Variants in SNX29 observed in about 807,000 individuals in gnomAD.
SNX29 encodes sorting nexin 29.
Under a neutral mutation model 102.1 loss-of-function variants are expected in SNX29, and 78 were observed. That is an observed-to-expected ratio of 0.76 (90% CI 0.64 to 0.92). SNX29 has a LOEUF of 0.92. Ranked by LOEUF, SNX29 falls within the 40% of genes least tolerant of loss-of-function variation. SNX29 has a pLI of 0.00. For synonymous variants in SNX29, 580 were observed against 414.5 expected (o/e 1.40, Z -4.85); for missense variants, 1,280 against 1,061.7 (o/e 1.21, Z -2.86).
At chr16:12,482,510 C>A (rs2087995660) in intron 19 of SNX29, among the ~76,000 whole-genome samples, 1 of 152,150 alleles carries the variant, frequency 6.6e-6, no homozygotes, top group African/African-American at 2.4e-5. Context: ...CCATGTTCGC[C>A]AGGCTGGTCT....
chr16:12,361,229 C>T (rs1381738743), intron 16 of SNX29, among the ~76,000 whole-genome samples: 1 of 152,170 alleles, frequency 6.6e-6, no homozygotes, highest in Non-Finnish European at 1.5e-5. Flanking sequence ...TGCCCAACAC[C>T]AGGGGTCCCA....
chr16:12,431,321 C>T (rs2085303909), intron 18 of SNX29, among the ~76,000 whole-genome samples: 2 of 149,960 alleles, frequency 1.3e-5, no homozygotes, highest in South Asian at 2.1e-4. Context: ...CTGAGAACAT[C>T]CCTCCAATTA....
intron 18 of SNX29, among the ~76,000 whole-genome samples, chr16:12,426,061 A>T (rs1029948437): frequency 1.3e-5 from 2 of 151,898 alleles, no homozygotes; most frequent in African/African-American, 4.8e-5. Flanking sequence ...GACAAAAAAA[A>T]TATTTGGTTT....
At chr16:12,449,073 C>G (rs2086189201) in intron 18 of SNX29, among the ~76,000 whole-genome samples, 1 of 152,028 alleles carries the variant, frequency 6.6e-6, no homozygotes. Flanking sequence ...GTGCCCAAAA[C>G]TGGGGATAGA....
intron 13 of SNX29, among the ~76,000 whole-genome samples, chr16:12,131,249 A>G (rs369480472): frequency 6.6e-6 from 1 of 152,236 alleles, no homozygotes; most frequent in African/African-American, 2.4e-5. Context: ...AATTAAGAGT[A>G]TGGTTGAGCC....
intron 19 of SNX29, among the ~76,000 whole-genome samples, chr16:12,481,834 A>G (rs986817001): frequency 6.6e-6 from 1 of 152,210 alleles, no homozygotes; most frequent in Non-Finnish European, 1.5e-5. Flanking sequence ...AGGAGGGGCC[A>G]TACCCGGCCC....
chr16:12,462,188 C>T (rs996102948), intron 18 of SNX29, among the ~76,000 whole-genome samples: 8 of 151,458 alleles, frequency 5.3e-5, no homozygotes, highest in Non-Finnish European at 1.0e-4. Context: ...GCTCTCAGTC[C>T]TGGCCCTGCA....
chr16:12,005,963 T>C (rs902024436), intron 3 of SNX29, among the ~76,000 whole-genome samples: 2 of 152,232 alleles, frequency 1.3e-5, no homozygotes, highest in Admixed American at 6.5e-5. Context: ...TAGAAAATGT[T>C]CTATTTTATA....
intron 20 of SNX29, among the ~76,000 whole-genome samples, chr16:12,535,916 G>T (rs2077064048): frequency 6.6e-6 from 1 of 152,180 alleles, no homozygotes; most frequent in Non-Finnish European, 1.5e-5. Flanking sequence ...ATTGAAGAAA[G>T]GGCTAGAAAA....
At chr16:12,562,326 C>G (rs147352584) in intron 20 of SNX29, among the ~76,000 whole-genome samples, 1 of 152,212 alleles carries the variant, frequency 6.6e-6, no homozygotes, top group African/African-American at 2.4e-5. Context: ...CAAGAACCTG[C>G]AGGGCAGATT....
rs139040885 is a variant in SNX29, at chr16:12,508,459, G to A, written c.2179-16243G>A. Among the ~76,000 whole-genome samples the A allele has an allele frequency of 3.4e-3, 520 of 152,334 alleles. 2 individuals carry two copies. Among genetic ancestry groups the A allele is most frequent in the African/African-American group, 0.012 (502 of 41,574 alleles). The stretch of plus-strand genomic sequence containing the variant: ...TTTTTCTGTTGCTTCTGGATGGCCT[G>A]TAGATATATTTTGTTTGATCTGCAC... On this transcript the variant is annotated intron_variant, in intron 19 of 20. Transcript: ENST00000566228.
chr16:11,983,784 C>A, intron 1 of SNX29: 1 of 819,146 alleles, frequency 1.2e-6, no homozygotes, highest in Non-Finnish European at 1.5e-6. Flanking sequence ...TAGATTTCTC[C>A]AAATTGTGGC....
At chr16:12,307,449 G>A (rs1409494908) in intron 15 of SNX29, among the ~76,000 whole-genome samples, 1 of 152,210 alleles carries the variant, frequency 6.6e-6, no homozygotes. Context: ...CAGGCGTGTG[G>A]AATTCTCACA....
intron 20 of SNX29, among the ~76,000 whole-genome samples, chr16:12,566,431 C>A (rs921454674): frequency 2.4e-4 from 1 of 4,122 alleles, no homozygotes; most frequent in African/African-American, 3.3e-3. Flanking sequence ...GGGCCTCTCC[C>A]CCCAAGCTCT....
intron 19 of SNX29, among the ~76,000 whole-genome samples, chr16:12,517,961 GGCT>G (rs1252927645): frequency 6.6e-6 from 1 of 152,132 alleles, no homozygotes; most frequent in Non-Finnish European, 1.5e-5. Flanking sequence ...AGAAACTTGG[GGCT>G]GCTAACATAT....
At chr16:12,540,325 C>G (rs1374447308) in intron 20 of SNX29, among the ~76,000 whole-genome samples, 1 of 152,118 alleles carries the variant, frequency 6.6e-6, no homozygotes, top group Non-Finnish European at 1.5e-5. Context: ...GGGACCACAG[C>G]TCTTATGATT....
chr16:12,286,546 C>T (rs1043210861), intron 15 of SNX29, among the ~76,000 whole-genome samples: 11 of 151,646 alleles, frequency 7.3e-5, no homozygotes, highest in African/African-American at 2.2e-4. Flanking sequence ...GGGGTTTCAC[C>T]GTGTAAGCCA....
At chr16:12,337,271 C>T (rs1274871662) in intron 15 of SNX29, among the ~76,000 whole-genome samples, 5 of 151,202 alleles carry the variant, frequency 3.3e-5, no homozygotes, top group Admixed American at 2.6e-4. Flanking sequence ...TTTTTTTTTA[C>T]TTAGCTATAT....
chr16:12,453,501 C>G (rs1276095165), intron 18 of SNX29, among the ~76,000 whole-genome samples: 1 of 152,024 alleles, frequency 6.6e-6, no homozygotes, highest in Non-Finnish European at 1.5e-5. Flanking sequence ...GAAGTAAAAA[C>G]AAACAAAGTG....
Sources: gnomAD v4.1 joint callset for allele counts (sites outside exome capture counted in the v4.1 genomes callset) on GRCh38, gnomAD v4.1.1 for gene constraint, MANE v1.5 for transcripts, NCBI Gene and HGNC (gene_info 2026-07-23, HGNC 2026-07-21) for gene names.